Variants in WDPCP observed in about 807,000 individuals in gnomAD.
WDPCP encodes WD repeat containing planar cell polarity effector.
A neutral mutation model predicts 93.1 loss-of-function variants in WDPCP; 71 were observed. The ratio of observed to expected loss-of-function variants is 0.76; its 90% CI spans 0.63 to 0.93. WDPCP has a LOEUF of 0.93. WDPCP is among the 40% of genes least tolerant of loss of function. The pLI is 0.00. For synonymous variants in WDPCP, 315 were observed against 315.0 expected (o/e 1.00, Z 0.00); for missense variants, 844 against 887.4 (o/e 0.95, Z 0.62).
At chr2:63,592,684 A>AT (rs1412260105), upstream of WDPCP, among the ~76,000 whole-genome samples, 3 of 152,354 alleles carry the variant, frequency 2.0e-5, no homozygotes, top group East Asian at 3.9e-4. Flanking sequence ...ATCTTAAAAA[A>AT]TTTTTTAAAG....
At position 63,437,882 on chromosome 2, in the gene WDPCP, A is replaced by G. The variant is rs771319187; in HGVS notation, c.500-328T>C. On this transcript the variant is annotated intron_variant, in intron 7 of 17. Transcript: ENST00000272321. ...CGCACCTGAATGTAGAGACGAAAAC[A>G]TTCCATTTTATTTGTGCTAAGAGTT... 4 of 1,596,114 alleles carry G rather than the reference A, an allele frequency of 2.5e-6. No homozygotes were observed. In the South Asian group the frequency reaches 4.5e-5, roughly 18 times the overall value.
In WDPCP at chr2:63,570,707, A is replaced by G. The variant is rs1247182788; in HGVS notation, c.75+17490T>C. 4.6e-5 allele frequency among the ~76,000 whole-genome samples: 7 copies of G among 152,194 alleles called. No homozygotes were observed. In the South Asian group the frequency reaches 1.2e-3, roughly 27 times the overall value. ...GGGAATTAAATGTTTCTCATATTTC[A>G]TATTTTTGACAAATACTTTAATTTA... On this transcript the variant is annotated intron_variant, in intron 1 of 17. Coordinates refer to ENST00000272321, the MANE Select transcript of WDPCP (RefSeq NM_015910.7).
chr2:63,805,635 A>T (rs1670753285), intron 2 of WDPCP, among the ~76,000 whole-genome samples: 1 of 152,222 alleles, frequency 6.6e-6, no homozygotes, highest in Non-Finnish European at 1.5e-5. Flanking sequence ...CTCCACATGA[A>T]AACAGAAGAG....
At chr2:63,148,784 G>C (rs1354935866) in intron 17 of WDPCP, among the ~76,000 whole-genome samples, 2 of 152,050 alleles carry the variant, frequency 1.3e-5, no homozygotes, top group Non-Finnish European at 2.9e-5. Flanking sequence ...GAATTTACAA[G>C]ATGAGTCTGG....
intron 14 of WDPCP, among the ~76,000 whole-genome samples, chr2:63,176,175 A>G (rs1337812108): frequency 1.3e-5 from 2 of 152,148 alleles, no homozygotes; most frequent in Non-Finnish European, 2.9e-5. Flanking sequence ...CTAATAAGTG[A>G]TACTGAGCAT....
chr2:63,310,042 G>A (rs139343916), intron 13 of WDPCP, among the ~76,000 whole-genome samples: 183 of 152,220 alleles, frequency 1.2e-3, no homozygotes, highest in African/African-American at 4.1e-3. Flanking sequence ...TCTGACAAAT[G>A]TATAAACAAT....
rs1427078509 is a variant in WDPCP at position 63,325,766 on chromosome 2, C to T, written c.1749-12455G>A. Among the ~76,000 whole-genome samples the T allele has an allele frequency of 2.6e-5, 4 of 152,144 alleles. No homozygotes were observed. In the East Asian group the frequency reaches 5.8e-4, roughly 22 times the overall value. ...CTACACGAATATGGGGAACAAGTTA[C>T]CCATTTGTTGCCCCTTACTTGAAAA... On this transcript the variant is annotated intron_variant, in intron 12 of 17. Transcript: ENST00000272321.
At chr2:63,809,029 C>A (rs951306316) in intron 2 of WDPCP, among the ~76,000 whole-genome samples, 10 of 151,960 alleles carry the variant, frequency 6.6e-5, no homozygotes, top group African/African-American at 2.4e-4. Flanking sequence ...CTCTACCCGG[C>A]CGGGACCCCG....
chr2:63,189,138 C>T (rs1411689720), intron 14 of WDPCP, among the ~76,000 whole-genome samples: 1 of 152,134 alleles, frequency 6.6e-6, no homozygotes, highest in Non-Finnish European at 1.5e-5. Flanking sequence ...CTAGAGCCTG[C>T]CTGCAGAACC....
intron 1 of WDPCP, among the ~76,000 whole-genome samples, chr2:63,521,939 A>G (rs1366964342): frequency 1.3e-5 from 2 of 152,204 alleles, no homozygotes; most frequent in Non-Finnish European, 2.9e-5. Flanking sequence ...CTTCTTGGTA[A>G]ACAGTGAAAT....
chr2:63,815,646 T>C (rs1260254923), intron 1 of WDPCP, among the ~76,000 whole-genome samples: 1 of 152,200 alleles, frequency 6.6e-6, no homozygotes, highest in Non-Finnish European at 1.5e-5. Flanking sequence ...GGACCAGTAG[T>C]ATAGTTGGCC....
At chr2:63,268,410 A>T (rs887058004) in intron 13 of WDPCP, among the ~76,000 whole-genome samples, 1 of 152,178 alleles carries the variant, frequency 6.6e-6, no homozygotes, top group Non-Finnish European at 1.5e-5. Flanking sequence ...ACACTATATG[A>T]TGACCAGCAT....
At chr2:63,207,952 A>G (rs1468130979) in intron 14 of WDPCP, among the ~76,000 whole-genome samples, 1 of 152,094 alleles carries the variant, frequency 6.6e-6, no homozygotes, top group Non-Finnish European at 1.5e-5. Context: ...CCTCTTTTAA[A>G]TTCTCTAGTT....
intron 3 of WDPCP, among the ~76,000 whole-genome samples, chr2:63,638,371 G>A (rs767826997): frequency 1.3e-5 from 2 of 151,816 alleles, no homozygotes; most frequent in South Asian, 2.1e-4. Context: ...TATGTGAGGC[G>A]ATGATTATGT....
intron 1 of WDPCP, among the ~76,000 whole-genome samples, chr2:63,555,734 G>A (rs563655821): frequency 6.6e-6 from 1 of 152,254 alleles, no homozygotes; most frequent in African/African-American, 2.4e-5. Context: ...TGGACCCCCA[G>A]CAAGCTGCAG....
chr2:63,776,821 T>C (rs1670311448), intron 2 of WDPCP, among the ~76,000 whole-genome samples: 1 of 152,070 alleles, frequency 6.6e-6, no homozygotes, highest in African/African-American at 2.4e-5. Flanking sequence ...TGGACGAATC[T>C]GAAGAACATT....
intron 13 of WDPCP, among the ~76,000 whole-genome samples, chr2:63,264,406 G>A (rs542203985): frequency 6.2e-4 from 94 of 152,320 alleles, no homozygotes; most frequent in African/African-American, 1.8e-3. Flanking sequence ...TTGGGAGGCC[G>A]AGGCGGGTGG....
At chr2:63,386,895 T>C (rs972138669) in intron 10 of WDPCP, among the ~76,000 whole-genome samples, 1 of 151,506 alleles carries the variant, frequency 6.6e-6, no homozygotes, top group South Asian at 2.1e-4. Flanking sequence ...CTAGAAGATA[T>C]GAATAAATTT....
At chr2:63,266,167 C>T (rs2677443) in intron 13 of WDPCP, among the ~76,000 whole-genome samples, 98,450 of 151,988 alleles carry the variant, frequency 0.65, 34,314 homozygotes, top group African/African-American at 0.89. Flanking sequence ...TGCAATTATA[C>T]ATGGAAAAGA....
Sources: gnomAD v4.1 joint callset for allele counts (sites outside exome capture counted in the v4.1 genomes callset) on GRCh38, gnomAD v4.1.1 for gene constraint, MANE v1.5 for transcripts, NCBI Gene and HGNC (gene_info 2026-07-23, HGNC 2026-07-21) for gene names.